The following FARSB variants were observed in gnomAD, a reference collection of about 807,000 sequenced individuals.
The protein encoded by FARSB is phenylalanine--tRNA ligase beta subunit.
A neutral mutation model predicts 69.6 loss-of-function variants in FARSB; 40 were observed. That is an observed-to-expected ratio of 0.57 (90% CI 0.45 to 0.75). FARSB has a LOEUF of 0.75. Among genes scored for constraint, FARSB ranks in the 30% least tolerant of loss-of-function variants. The probability of loss-of-function intolerance (pLI) is 0.00; values close to 1 mark genes in which losing one functional copy is unlikely to be tolerated. For missense variants in FARSB, 632 were observed against 722.9 expected, an observed-to-expected ratio of 0.87 and a Z score of 1.44; for synonymous variants, 235 against 247.2, an observed-to-expected ratio of 0.95 and a Z score of 0.46.
chr2:222,576,768 C>T (rs932830321), intron 16 of FARSB, among the ~76,000 whole-genome samples: 17 of 152,170 alleles, frequency 1.1e-4, no homozygotes, highest in Admixed American at 6.5e-5. Flanking sequence ...TAATTTCCTA[C>T]AGAGGAGGAA....
At chr2:222,596,747 G>T (rs1690427002) in intron 16 of FARSB, among the ~76,000 whole-genome samples, 2 of 152,112 alleles carry the variant, frequency 1.3e-5, no homozygotes, top group Admixed American at 1.3e-4. Flanking sequence ...GATTTGCTTA[G>T]GAGTCTGAAA....
chr2:222,640,763 A>C, intron 4 of FARSB, 99 bp downstream of exon 4: 2 of 672,364 alleles, frequency 3.0e-6, no homozygotes, highest in Non-Finnish European at 2.6e-6. Context: ...CTCAAAACAA[A>C]AAAAAAAGAG....
At chr2:222,614,617 G>A (rs1037873173) in intron 14 of FARSB, among the ~76,000 whole-genome samples, 2 of 152,186 alleles carry the variant, frequency 1.3e-5, no homozygotes, top group Non-Finnish European at 2.9e-5. Flanking sequence ...AGCCGAGGTA[G>A]GAGGAACACT....
At position 222,642,917 on chromosome 2, in the gene FARSB, G is replaced by A; in HGVS notation, c.203C>T (p.Pro68Leu). 1 of 1,612,812 alleles carries A rather than the reference G, an allele frequency of 6.2e-7. No homozygotes were observed. The highest frequency in any genetic ancestry group is 8.5e-7 in the Non-Finnish European group (1 of 1,178,872). ...ACACAGGAGATCATATCTATTGGCAGGGACGTCAATTTTGTAAAGAACAAC... is the reference window on the plus strand; with the variant it reads ...ACACAGGAGATCATATCTATTGGCAAGGACGTCAATTTTGTAAAGAACAAC... ...SDVVLYKIDV[P>L]ANRYDLLCLE... The change falls in exon 3 of 17, where the codon CCT becomes CTT. Residue 68 changes from proline (P) to leucine (L), a missense_variant. By Grantham distance (98) the Pro-to-Leu change is moderately conservative. Transcript: ENST00000281828.
rs569848641 is a variant in FARSB, at chr2:222,608,417, G to A, written c.1462+5394C>T. On this transcript the variant is annotated intron_variant, in intron 15 of 16. Transcript: ENST00000281828. ...CACAAAAACCTTTAAAGATCTGACC[G>A]CTATATTTTCGTAACTTATAAGACA... is the stretch of plus-strand genomic sequence containing the variant. 6.6e-5 allele frequency among the ~76,000 whole-genome samples: 10 copies of A among 152,152 alleles called. No individual in the cohort carries two copies. In the South Asian group the frequency reaches 1.7e-3, roughly 25 times the overall value.
At chr2:222,608,665 C>T (rs973606580) in intron 15 of FARSB, among the ~76,000 whole-genome samples, 1 of 152,228 alleles carries the variant, frequency 6.6e-6, no homozygotes, top group Non-Finnish European at 1.5e-5. Context: ...GTAGATCATT[C>T]GCTCATTTAG....
At chr2:222,651,056 G>A (rs974421792) in intron 1 of FARSB, among the ~76,000 whole-genome samples, 2 of 152,184 alleles carry the variant, frequency 1.3e-5, no homozygotes, top group Non-Finnish European at 2.9e-5. Flanking sequence ...ACCAAGCAGT[G>A]GGCTTTGAGG....
chr2:222,602,507 G>C (rs1278153695), intron 15 of FARSB, among the ~76,000 whole-genome samples: 2 of 151,102 alleles, frequency 1.3e-5, no homozygotes, highest in East Asian at 1.9e-4. Flanking sequence ...CAGATGAGTG[G>C]AACAGAACAG....
chr2:222,615,955 T>C (rs1690985845), intron 14 of FARSB, among the ~76,000 whole-genome samples: 1 of 152,252 alleles, frequency 6.6e-6, no homozygotes, highest in African/African-American at 2.4e-5. Flanking sequence ...ACTACTGTTA[T>C]AGAAAACTTT....
chr2:222,616,545 CAAAAAAAAAAA>C (rs11447332), intron 14 of FARSB, among the ~76,000 whole-genome samples: 1 of 74,136 alleles, frequency 1.3e-5, no homozygotes, highest in African/African-American at 5.8e-5. Flanking sequence ...GACTCCATCT[CAAAAAAAAAAA>C]AAAAAAAAAA....
rs1316908859 is a variant in FARSB at position 222,599,937 on chromosome 2, C to T, written c.1609G>A (p.Ala537Thr). ...GGCTCATCTGTCTTACCTTCTGATG[C>T]TTTGATCACATATCCCCCCTTGTCT... The part of the protein sequence containing the change: ...GEDKGGYVIK[A>T]SEGPAFFPGR... Residue 537 changes from alanine (A) to threonine (T), a missense_variant, in exon 16 of 17, where the codon GCA becomes ACA. Coordinates refer to ENST00000281828, the MANE Select transcript of FARSB (RefSeq NM_005687.5). 3 of 1,597,554 alleles carry T rather than the reference C, an allele frequency of 1.9e-6. No homozygotes were observed. In the African/African-American group the frequency reaches 4.1e-5, roughly 22 times the overall value.
intron 16 of FARSB, among the ~76,000 whole-genome samples, chr2:222,578,122 T>C (rs1242342751): frequency 1.3e-5 from 2 of 152,214 alleles, no homozygotes; most frequent in African/African-American, 2.4e-5. Flanking sequence ...TCATCCTATA[T>C]TTGTCTGACA....
chr2:222,596,944 A>C (rs1227564418), intron 16 of FARSB, among the ~76,000 whole-genome samples: 1 of 152,224 alleles, frequency 6.6e-6, no homozygotes, highest in African/African-American at 2.4e-5. Context: ...GGATAATCAT[A>C]CTTGCCATTA....
At chr2:222,578,609 C>CG (rs1689891314) in intron 16 of FARSB, among the ~76,000 whole-genome samples, 1 of 151,818 alleles carries the variant, frequency 6.6e-6, no homozygotes, top group South Asian at 2.1e-4. Flanking sequence ...GGGGCCAACG[C>CG]GGGAAGATCA....
intron 1 of FARSB, 108 bp downstream of exon 1, chr2:222,655,908 G>A (rs1574961976): frequency 4.4e-6 from 4 of 916,164 alleles, no homozygotes; most frequent in East Asian, 2.7e-5. Context: ...CCGGCCTCCC[G>A]GAGCCAAAAC....
intron 2 of FARSB, among the ~76,000 whole-genome samples, chr2:222,645,985 T>C (rs2106241658): frequency 6.6e-6 from 1 of 152,294 alleles, no homozygotes; most frequent in African/African-American, 2.4e-5. Context: ...GCCAAAGTTC[T>C]CCTGTAAAAT....
chr2:222,606,249 C>T (rs1690701402), intron 15 of FARSB, among the ~76,000 whole-genome samples: 1 of 152,114 alleles, frequency 6.6e-6, no homozygotes. Flanking sequence ...TGAACTGAAT[C>T]AAAGGAGAAA....
chr2:222,650,092 A>C (rs2106016816), intron 1 of FARSB, among the ~76,000 whole-genome samples: 1 of 152,368 alleles, frequency 6.6e-6, no homozygotes, highest in Middle Eastern at 3.4e-3. Flanking sequence ...AGAAGTAATC[A>C]GTTTCTCTTA....
rs1027637083 is a variant in FARSB, at chr2:222,569,754, T to C, written c.*2117A>G. The C allele has an allele frequency of 1.3e-5, 2 of 152,246 alleles. No homozygotes were observed. The highest frequency in any genetic ancestry group is 2.9e-5 in the Non-Finnish European group (2 of 68,042). 9.4% of individuals were successfully genotyped at this position (152,246 alleles called of 1,614,324 possible). On this transcript the variant is annotated 3_prime_UTR_variant, in exon 17 of 17. Coordinates refer to ENST00000281828, the MANE Select transcript of FARSB (RefSeq NM_005687.5). ...TTGTGTCTCTTGCTTTCACTTAGCATACTGTTTTGAAATTCATTCATGTTG... is the reference window on the plus strand; with the variant it reads ...TTGTGTCTCTTGCTTTCACTTAGCACACTGTTTTGAAATTCATTCATGTTG...
Sources: allele counts gnomAD v4.1 joint callset (sites outside exome capture counted in the v4.1 genomes callset), GRCh38; gene constraint gnomAD v4.1.1; transcripts MANE v1.5; gene names NCBI Gene and HGNC (gene_info 2026-07-23, HGNC 2026-07-21).